Variants in ERP27 observed in about 807,000 individuals in gnomAD.
ERP27 encodes endoplasmic reticulum protein 27.
Under a neutral mutation model 27.7 loss-of-function variants are expected in ERP27, and 23 were observed. The observed-to-expected ratio is 0.83, with a 90% CI of 0.60 to 1.18. The LOEUF (loss-of-function observed/expected upper bound fraction) is 1.18, where lower values mean the gene tolerates loss of function less well. ERP27 is among the 50% of genes most tolerant of loss of function. The pLI, the probability that ERP27 is intolerant of heterozygous loss-of-function variation, is 0.00. For synonymous variants in ERP27, 159 were observed against 118.3 expected (o/e 1.34, Z -2.23); for missense variants, 363 against 327.9 (o/e 1.11, Z -0.83).
chr12:14,929,242 A>T, intron 3 of ERP27: 1 of 849,224 alleles, frequency 1.2e-6, no homozygotes. Flanking sequence ...TAAAGAATGC[A>T]CTAAATTGGA....
At chr12:14,924,195 C>G (rs1863559970) in intron 3 of ERP27, among the ~76,000 whole-genome samples, 1 of 152,188 alleles carries the variant, frequency 6.6e-6, no homozygotes, top group South Asian at 2.1e-4. Context: ...TGCTCCTACA[C>G]ATGACAGAAC....
chr12:14,931,624 A>G (rs753091574), intron 3 of ERP27, among the ~76,000 whole-genome samples: 32 of 152,312 alleles, frequency 2.1e-4, no homozygotes, highest in Non-Finnish European at 4.4e-4. Flanking sequence ...TAAACAAAAA[A>G]CAGATGTTAA....
intron 4 of ERP27, among the ~76,000 whole-genome samples, chr12:14,918,970 A>G (rs1565449038): frequency 6.6e-6 from 1 of 152,248 alleles, no homozygotes; most frequent in Non-Finnish European, 1.5e-5. Flanking sequence ...CTAAGATGTC[A>G]AAAGGTACAG....
intron 6 of ERP27, 127 bp downstream of exon 6, chr12:14,915,362 G>T: frequency 1.2e-6 from 1 of 843,030 alleles, no homozygotes; most frequent in Non-Finnish European, 1.9e-6. Flanking sequence ...CTATCTATCT[G>T]CACTTGGTAT....
chr12:14,924,512 C>A (rs571463250), intron 3 of ERP27, among the ~76,000 whole-genome samples: 2 of 152,296 alleles, frequency 1.3e-5, no homozygotes, highest in South Asian at 4.1e-4. Context: ...TATAAAAATA[C>A]TTTCTCCACA....
chr12:14,934,670 C>G (rs535621475), intron 3 of ERP27, among the ~76,000 whole-genome samples, 186 bp downstream of exon 3: 10 of 152,216 alleles, frequency 6.6e-5, no homozygotes, highest in Non-Finnish European at 1.3e-4. Flanking sequence ...GTCCTGTCCT[C>G]TTTCCATTTC....
chr12:14,915,641 C>T lies in ERP27; in HGVS notation c.622G>A (p.Val208Met), dbSNP rs770907919. 1.2e-6 allele frequency: 2 copies of T among 1,614,142 alleles called. No homozygotes were observed. The highest frequency in any genetic ancestry group is 1.7e-6 in the Non-Finnish European group (2 of 1,180,016). ...VDSGMKENGK[V>M]ISFFKLKESQ... ...TCCTTTAGTTTGAAAAATGATATCA[C>T]CTTCCCATTTTCTTTCATACCACTG... Residue 208 changes from valine to methionine, a missense_variant, in exon 6 of 7, where the codon GTG becomes ATG. Coordinates refer to ENST00000266397, the MANE Select transcript of ERP27 (RefSeq NM_152321.4).
chr12:14,927,304 T>A (rs1863617400), intron 3 of ERP27, among the ~76,000 whole-genome samples: 1 of 151,990 alleles, frequency 6.6e-6, no homozygotes. Context: ...GGCGTATGTG[T>A]GTATATTTGT....
intron 4 of ERP27, 104 bp downstream of exon 4, chr12:14,920,828 G>T: frequency 2.5e-6 from 2 of 809,048 alleles, no homozygotes; most frequent in Non-Finnish European, 2.1e-6. Flanking sequence ...GTATTGTATT[G>T]GTCGAAGAAT....
chr12:14,917,864 T>C (rs1863436980), intron 4 of ERP27, among the ~76,000 whole-genome samples: 1 of 152,224 alleles, frequency 6.6e-6, no homozygotes, highest in African/African-American at 2.4e-5. Context: ...TTGGATGACC[T>C]GCAGAAACTG....
chr12:14,917,221 TTCTCTTCATAC>T lies in ERP27; in HGVS notation c.522_532del (p.Tyr175HisfsTer52). On this transcript the variant is annotated frameshift_variant, in exon 5 of 7. Coordinates refer to ENST00000266397, the MANE Select transcript of ERP27 (RefSeq NM_152321.4). LOFTEE classifies it high-confidence loss of function. ...GGCTGCCTTCTGGTATCTGTGCATG[TTCTCTTCATAC>T]TCTGGGGAGGCCTTGTTCATTATCA... 6.2e-7 allele frequency: 1 copy of T among 1,614,204 alleles called. No homozygotes were observed. The highest frequency in any genetic ancestry group is 8.5e-7 in the Non-Finnish European group (1 of 1,180,016).
intron 3 of ERP27, among the ~76,000 whole-genome samples, chr12:14,923,424 TTG>T (rs1221425852): frequency 1.3e-5 from 2 of 151,370 alleles, no homozygotes; most frequent in Non-Finnish European, 2.9e-5. Flanking sequence ...TATATATAAT[TTG>T]TGTTATAAAA....
intron 4 of ERP27, among the ~76,000 whole-genome samples, chr12:14,920,059 C>T (rs913589837): frequency 1.3e-5 from 2 of 152,130 alleles, no homozygotes; most frequent in African/African-American, 4.8e-5. Context: ...ATAGAAGGTA[C>T]AGCATTTTGA....
chr12:14,921,165 G>C, intron 3 of ERP27, 117 bp from the exon 4 acceptor site: 1 of 791,450 alleles, frequency 1.3e-6, no homozygotes, highest in Non-Finnish European at 2.1e-6. Flanking sequence ...CAAAAGATAA[G>C]TAAGAGAGTT....
intron 3 of ERP27, among the ~76,000 whole-genome samples, chr12:14,931,024 G>A (rs1215148749): frequency 6.6e-6 from 1 of 152,128 alleles, no homozygotes; most frequent in Non-Finnish European, 1.5e-5. Context: ...TATCTTCAGG[G>A]TCAAGTGCTT....
Position 14,914,594 on chromosome 12 carries a change from GCGTGCGTGCGTGTGTGCA to G in ERP27, c.*123_*140del. On this transcript the variant is annotated 3_prime_UTR_variant, in exon 7 of 7. Coordinates refer to ENST00000266397, the MANE Select transcript of ERP27 (RefSeq NM_152321.4). Reference sequence around the variant, plus strand: ...TGTGTGTGTGCGTGTGTGTGTGCACGCGTGCGTGCGTGTGTGCACGTGCGTGTGTGTGTGGTTGGCAGG... The same window carrying G: ...TGTGTGTGTGCGTGTGTGTGTGCACGCGTGCGTGTGTGTGTGGTTGGCAGG... 1.6e-6 allele frequency: 1 copy of G among 622,922 alleles called. No individual in the cohort carries two copies. The highest frequency in any genetic ancestry group is 2.8e-6 in the Non-Finnish European group (1 of 355,004). The allele number at this position is 622,922 out of a possible 1,614,324, so 38.6% of individuals were successfully genotyped here.
In ERP27 at chr12:14,934,937, G is replaced by A. The variant is rs376965886; in HGVS notation, c.252C>T (p.Gly84=). ...AATCAGTGCTGATCCCAAATGACAC[G>A]CCTGGGAATTTTTGCACCATGCTAT... The part of the protein sequence containing the change: ...ILHSMVQKFP[G]VSFGISTDSE... Residue 84 remains glycine, a synonymous_variant, in exon 3 of 7, where the codon GGC becomes GGT. Transcript: ENST00000266397. The A allele has an allele frequency of 7.7e-5, 125 of 1,613,986 alleles. No homozygotes were observed. The highest frequency in any genetic ancestry group is 6.7e-5 in the Admixed American group (4 of 60,004).
At chr12:14,928,540 G>A (rs531978693) in intron 3 of ERP27, among the ~76,000 whole-genome samples, 145 of 152,302 alleles carry the variant, frequency 9.5e-4, no homozygotes, top group African/African-American at 3.4e-3. Context: ...TATATGCACT[G>A]AGGCATAAAA....
chr12:14,921,345 G>C (rs1863500552), intron 3 of ERP27, among the ~76,000 whole-genome samples: 1 of 152,192 alleles, frequency 6.6e-6, no homozygotes, highest in African/African-American at 2.4e-5. Flanking sequence ...GCTAAGACTT[G>C]ATCAGATAAA....
Sources: gnomAD v4.1 joint callset for allele counts (sites outside exome capture counted in the v4.1 genomes callset) on GRCh38, gnomAD v4.1.1 for gene constraint, MANE v1.5 for transcripts, NCBI Gene and HGNC (gene_info 2026-07-23, HGNC 2026-07-21) for gene names.